SAMD12: variants seen among roughly 807,000 people sequenced by gnomAD.
SAMD12 encodes the protein sterile alpha motif domain containing 12.
In SAMD12, 9 loss-of-function variants were observed where a neutral mutation model predicts 15.0. The observed-to-expected ratio is 0.60, with a 90% CI of 0.36 to 1.05. The LOEUF is 1.05. Ranked by LOEUF, SAMD12 falls within the 50% of genes least tolerant of loss-of-function variation. SAMD12 has a pLI of 0.01. For synonymous variants in SAMD12, 86 were observed against 90.1 expected (o/e 0.96, Z 0.25); for missense variants, 230 against 234.2 (o/e 0.98, Z 0.12).
intron 4 of SAMD12, among the ~76,000 whole-genome samples, chr8:118,278,426 G>A (rs1195425936): frequency 1.3e-5 from 2 of 152,090 alleles, no homozygotes; most frequent in African/African-American, 2.4e-5. Flanking sequence ...CTTTCCACAC[G>A]TCCTCCTTTC....
chr8:118,445,163 G>A (rs1822874476), intron 2 of SAMD12, among the ~76,000 whole-genome samples: 1 of 152,086 alleles, frequency 6.6e-6, no homozygotes, highest in South Asian at 2.1e-4. Flanking sequence ...GAAGGAAAAG[G>A]AGGAAACACA....
chr8:118,598,218 C>T (rs1004562203), intron 1 of SAMD12, among the ~76,000 whole-genome samples: 8 of 152,174 alleles, frequency 5.3e-5, no homozygotes, highest in African/African-American at 1.9e-4. Flanking sequence ...AATTGTGTTT[C>T]TCCCGACCCC....
At chr8:118,479,653 T>A (rs371105484) in intron 2 of SAMD12, among the ~76,000 whole-genome samples, 4 of 152,174 alleles carry the variant, frequency 2.6e-5, no homozygotes, top group African/African-American at 7.2e-5. Context: ...AAAATTCTCA[T>A]AGCTAATTCT....
chr8:118,563,349 A>C (rs992724681), intron 2 of SAMD12, among the ~76,000 whole-genome samples: 2 of 152,224 alleles, frequency 1.3e-5, no homozygotes, highest in Admixed American at 6.5e-5. Flanking sequence ...TTTCGACAGC[A>C]GTCAGAGATG....
intron 4 of SAMD12, among the ~76,000 whole-genome samples, chr8:118,326,751 C>A (rs73709917): frequency 0.068 from 10,330 of 152,114 alleles, 667 homozygotes; most frequent in African/African-American, 0.15. Context: ...GCAAAACTGG[C>A]CTAATAAATC....
the SAMD12 span, among the ~76,000 whole-genome samples, chr8:118,158,552 A>T: frequency 6.6e-6 from 1 of 152,238 alleles, no homozygotes; most frequent in Non-Finnish European, 1.5e-5. Context: ...GGGCACCATG[A>T]ATGGAGGTAG....
intron 3 of SAMD12, among the ~76,000 whole-genome samples, chr8:118,415,278 T>C (rs1453492087): frequency 1.3e-5 from 2 of 152,194 alleles, no homozygotes; most frequent in Non-Finnish European, 2.9e-5. Context: ...AAAGTATTTT[T>C]TGCTTCCATC....
chr8:118,383,154 C>G (rs1362759305), intron 3 of SAMD12, among the ~76,000 whole-genome samples: 2 of 152,072 alleles, frequency 1.3e-5, no homozygotes, highest in Non-Finnish European at 2.9e-5. Flanking sequence ...TCATAAAATT[C>G]AATTGTTAGT....
At chr8:118,164,137 G>A in the SAMD12 span, among the ~76,000 whole-genome samples, 1 of 152,062 alleles carries the variant, frequency 6.6e-6, no homozygotes, top group African/African-American at 2.4e-5. Context: ...AGGAGGAAGG[G>A]GAAGCAGAAC....
downstream of SAMD12, among the ~76,000 whole-genome samples, chr8:118,374,755 T>C (rs1586624395): frequency 1.3e-5 from 2 of 152,194 alleles, no homozygotes; most frequent in African/African-American, 2.4e-5. Flanking sequence ...CATACGCCTA[T>C]TGGCCATTTG....
intron 2 of SAMD12, among the ~76,000 whole-genome samples, chr8:118,455,128 T>C (rs932882596): frequency 1.3e-5 from 2 of 152,104 alleles, no homozygotes; most frequent in South Asian, 2.1e-4. Context: ...GCTCTTGTCA[T>C]GGCCACTGAG....
At chr8:118,479,059 C>A (rs1221392486) in intron 2 of SAMD12, among the ~76,000 whole-genome samples, 1 of 151,522 alleles carries the variant, frequency 6.6e-6, no homozygotes, top group African/African-American at 2.4e-5. Flanking sequence ...TCGGCATTGG[C>A]TCCCCATTTC....
At chr8:118,405,443 T>C (rs1821082766) in intron 3 of SAMD12, among the ~76,000 whole-genome samples, 1 of 151,990 alleles carries the variant, frequency 6.6e-6, no homozygotes, top group African/African-American at 2.4e-5. Context: ...AAACCAGGTA[T>C]AAAAAAAGTT....
chr8:118,237,317 T>C (rs1383008709), intron 4 of SAMD12, among the ~76,000 whole-genome samples: 1 of 152,184 alleles, frequency 6.6e-6, no homozygotes, highest in South Asian at 2.1e-4. Flanking sequence ...GATACACTAA[T>C]GAGTTACGTA....
At chr8:118,220,179 G>A (rs897277482) in intron 4 of SAMD12, among the ~76,000 whole-genome samples, 6 of 152,126 alleles carry the variant, frequency 3.9e-5, no homozygotes, top group African/African-American at 1.2e-4. Context: ...AGTATCTCTC[G>A]GCACACAACA....
chr8:118,549,644 G>A (rs202079457), intron 2 of SAMD12, among the ~76,000 whole-genome samples: 50 of 152,340 alleles, frequency 3.3e-4, no homozygotes, highest in Non-Finnish European at 6.6e-4. Flanking sequence ...CCAAAGGAAC[G>A]CAGTTCCTCA....
At chr8:118,494,024 T>C (rs1273318018) in intron 2 of SAMD12, among the ~76,000 whole-genome samples, 1 of 152,158 alleles carries the variant, frequency 6.6e-6, no homozygotes, top group Non-Finnish European at 1.5e-5. Flanking sequence ...CATGGTATTG[T>C]ATTAGCCTCT....
At chr8:118,596,313 A>G (rs1033359706) in intron 1 of SAMD12, among the ~76,000 whole-genome samples, 18 of 152,222 alleles carry the variant, frequency 1.2e-4, no homozygotes, top group African/African-American at 3.9e-4. Context: ...GTCCCATTTT[A>G]TAGATGAAAA....
intron 4 of SAMD12, among the ~76,000 whole-genome samples, chr8:118,269,648 A>G (rs1363024688): frequency 6.6e-6 from 1 of 152,134 alleles, no homozygotes; most frequent in Non-Finnish European, 1.5e-5. Context: ...CAGCTGATCA[A>G]TATGGACAAG....
Sources: allele counts gnomAD v4.1 joint callset (sites outside exome capture counted in the v4.1 genomes callset), GRCh38; gene constraint gnomAD v4.1.1; transcripts MANE v1.5; gene names NCBI Gene and HGNC (gene_info 2026-07-23, HGNC 2026-07-21).